TRIM34: variants seen among roughly 807,000 people sequenced by gnomAD.
TRIM34 encodes the protein E3 ubiquitin-protein ligase TRIM34.
Under a neutral mutation model 38.1 loss-of-function variants are expected in TRIM34, and 41 were observed. The ratio of observed to expected loss-of-function variants is 1.08; its 90% CI spans 0.84 to 1.40. The LOEUF is 1.40. Among genes scored for constraint, TRIM34 ranks in the 40% most tolerant of loss-of-function variants. The pLI is 0.00. For synonymous variants in TRIM34, 200 were observed against 202.5 expected (o/e 0.99, Z 0.10); for missense variants, 556 against 571.4 (o/e 0.97, Z 0.27).
intron 4 of TRIM34, among the ~76,000 whole-genome samples, chr11:5,637,130 G>A (rs1043532317): frequency 2.0e-5 from 3 of 151,902 alleles, no homozygotes; most frequent in Non-Finnish European, 2.9e-5. Context: ...CCAAGATGGC[G>A]CCACTGCACT....
chr11:5,633,719 T>A, intron 2 of TRIM34, 85 bp from the exon 3 acceptor site: 1 of 1,384,378 alleles, frequency 7.2e-7, no homozygotes, highest in Non-Finnish European at 9.6e-7. Context: ...TTTTCTGGGA[T>A]CAACTTGATT....
intron 1 of TRIM34, among the ~76,000 whole-genome samples, chr11:5,627,352 C>T (rs1291944794): frequency 1.3e-5 from 2 of 151,990 alleles, no homozygotes; most frequent in Non-Finnish European, 1.5e-5. Flanking sequence ...CACACTCCAA[C>T]CTGGGTAACA....
chr11:5,643,773 C>A lies in TRIM34; in HGVS notation c.*64C>A. 6.6e-7 allele frequency: 1 copy of A among 1,515,396 alleles called. No homozygotes were observed. The highest frequency in any genetic ancestry group is 2.2e-5 in the Admixed American group (1 of 44,702). The allele number at this position is 1,515,396 out of a possible 1,614,324, so 93.9% of individuals were successfully genotyped here. A position where few individuals can be genotyped will look rare whatever the true frequency, so the allele number is the denominator to read the frequency against. ...TTATCTCCTGCAACTGACTCATCTG[C>A]AACATTCACACCATTGCTTCCTTGT... is the stretch of plus-strand genomic sequence containing the variant. On this transcript the variant is annotated 3_prime_UTR_variant, in exon 8 of 8. Transcript: ENST00000429814.
chr11:5,634,959 C>A, intron 4 of TRIM34, 98 bp downstream of exon 4: 1 of 1,318,148 alleles, frequency 7.6e-7, no homozygotes, highest in Non-Finnish European at 1.0e-6. Flanking sequence ...TTTCTTTGGC[C>A]TTGCAGTGCC....
upstream of TRIM34, among the ~76,000 whole-genome samples, chr11:5,624,415 C>T (rs1849114651): frequency 6.6e-6 from 1 of 152,166 alleles, no homozygotes; most frequent in African/African-American, 2.4e-5. Context: ...TCTCCGCCAC[C>T]CATCCTCCAT....
chr11:5,621,336 A>T (rs545567443), upstream of TRIM34, among the ~76,000 whole-genome samples: 1 of 152,192 alleles, frequency 6.6e-6, no homozygotes, highest in African/African-American at 2.4e-5. Context: ...TGGTGTCTCT[A>T]GATAATTTCC....
chr11:5,623,000 T>C (rs1285385372), upstream of TRIM34, among the ~76,000 whole-genome samples: 1 of 151,742 alleles, frequency 6.6e-6, no homozygotes, highest in African/African-American at 2.4e-5. Context: ...AGGTCATAGG[T>C]AGATAAAAGA....
intron 1 of TRIM34, among the ~76,000 whole-genome samples, chr11:5,627,710 G>C (rs1435700804): frequency 6.6e-6 from 1 of 152,128 alleles, no homozygotes; most frequent in Non-Finnish European, 1.5e-5. Context: ...CAGAGGAATG[G>C]GGAGGAGATG....
intron 1 of TRIM34, among the ~76,000 whole-genome samples, chr11:5,626,221 A>G (rs1849220552): frequency 6.6e-6 from 1 of 152,242 alleles, no homozygotes; most frequent in South Asian, 2.1e-4. Flanking sequence ...CTGCTAATGT[A>G]AAAACGTGCA....
chr11:5,620,379 A>C (rs1848946516), upstream of TRIM34, among the ~76,000 whole-genome samples: 2 of 151,172 alleles, frequency 1.3e-5, no homozygotes, highest in South Asian at 4.2e-4. Flanking sequence ...GGGTTTCACC[A>C]TGTTGGCCAG....
In TRIM34 at chr11:5,632,527, G is replaced by C. The variant is rs765839329; in HGVS notation, c.196G>C (p.Glu66Gln). 8.1e-6 allele frequency: 13 copies of C among 1,613,948 alleles called. No individual in the cohort carries two copies. The Admixed American group carries it at 2.2e-4, about 27-fold the overall frequency. ...TGTGTGTGGTATCAGTTACTCATTTGAACATCTACAGGCTAATCAGCATCT... is the reference window on the plus strand; with the variant it reads ...TGTGTGTGGTATCAGTTACTCATTTCAACATCTACAGGCTAATCAGCATCT... ...CPVCGISYSF[E>Q]HLQANQHLAN... is the part of the protein sequence containing the mutation. Residue 66 changes from glutamate to glutamine, a missense_variant, in exon 2 of 8, where the codon GAA becomes CAA. Transcript: ENST00000429814.
rs1160054578 is a variant in TRIM34, at chr11:5,641,150, T to C, written c.751-17T>C. On this transcript the variant is annotated splice_polypyrimidine_tract_variant and intron_variant, in intron 4 of 7. Coordinates refer to ENST00000429814, the MANE Select transcript of TRIM34 (RefSeq NM_021616.6). ...GTCTTTATACACTTTGACTCATGTT[T>C]TCTCTTTTCTTTCTAGGACATGAGT... 1 of 1,613,426 alleles carries C rather than the reference T, an allele frequency of 6.2e-7. No individual in the cohort carries two copies. The highest frequency in any genetic ancestry group is 1.7e-5 in the Admixed American group (1 of 59,960).
At chr11:5,631,546 T>A (rs1459912412) in intron 1 of TRIM34, among the ~76,000 whole-genome samples, 1 of 152,222 alleles carries the variant, frequency 6.6e-6, no homozygotes, top group Non-Finnish European at 1.5e-5. Context: ...GAAATCTCCA[T>A]ATTGTGGTCA....
intron 4 of TRIM34, among the ~76,000 whole-genome samples, chr11:5,638,958 G>C (rs1387636964): frequency 6.6e-6 from 1 of 152,088 alleles, no homozygotes; most frequent in Non-Finnish European, 1.5e-5. Flanking sequence ...GCCTTCACGT[G>C]GGAGTGCACC....
At chr11:5,642,765 G>A in intron 6 of TRIM34, 52 bp from the exon 7 acceptor site, 1 of 1,611,344 alleles carries the variant, frequency 6.2e-7, no homozygotes, top group African/African-American at 1.3e-5. Flanking sequence ...ATAGGTATCA[G>A]TGCTTACTCC....
In TRIM34 at chr11:5,633,792, C is replaced by G. The variant is rs774293807; in HGVS notation, c.424-12C>G. 1.2e-6 allele frequency: 2 copies of G among 1,611,900 alleles called. No homozygotes were observed. Among genetic ancestry groups the G allele is most frequent in the Non-Finnish European group, 1.7e-6 (2 of 1,179,056 alleles). On this transcript the variant is annotated splice_polypyrimidine_tract_variant and intron_variant, in intron 2 of 7. Transcript: ENST00000429814. ...CTTATAGCTTGACTGTAGTGTGATT[C>G]CCTTCTCATAGGAGAAACTCCAGGC...
In TRIM34 at chr11:5,633,340, T is replaced by C. The variant is rs532380637; in HGVS notation, c.424-464T>C. On this transcript the variant is annotated intron_variant, in intron 2 of 7. Coordinates refer to ENST00000429814, the MANE Select transcript of TRIM34 (RefSeq NM_021616.6). ...TTCCAATGCCTGGGGTACACTCTTG[T>C]GTATTCCTTTCATTTACATAACAGA... Among the ~76,000 whole-genome samples the C allele has an allele frequency of 9.2e-5, 14 of 152,172 alleles. No individual in the cohort carries two copies. In the East Asian group the frequency reaches 1.4e-3, roughly 15 times the overall value.
intron 4 of TRIM34, among the ~76,000 whole-genome samples, chr11:5,639,679 CAAAAAAAA>C (rs58134807): frequency 5.1e-4 from 26 of 51,136 alleles, no homozygotes; most frequent in East Asian, 7.0e-4. Flanking sequence ...GACTCTATTT[CAAAAAAAA>C]AAAAAAAAAA....
At chr11:5,623,180 C>G (rs535658973), upstream of TRIM34, among the ~76,000 whole-genome samples, 7 of 148,570 alleles carry the variant, frequency 4.7e-5, no homozygotes, top group African/African-American at 1.2e-4. Context: ...TTGCCCTAAC[C>G]AGTTCTCAAC....
Sources: allele counts gnomAD v4.1 joint callset (sites outside exome capture counted in the v4.1 genomes callset), GRCh38; gene constraint gnomAD v4.1.1; transcripts MANE v1.5; gene names NCBI Gene and HGNC (gene_info 2026-07-23, HGNC 2026-07-21).